MELK: variants seen among roughly 807,000 people sequenced by gnomAD.
MELK encodes pEg3 kinase.
A neutral mutation model predicts 85.0 loss-of-function variants in MELK; 81 were observed. The ratio of observed to expected loss-of-function variants is 0.95; its 90% CI spans 0.80 to 1.15. MELK has a LOEUF of 1.15. Ranked by LOEUF, MELK falls within the 50% of genes most tolerant of loss-of-function variation. The probability of loss-of-function intolerance (pLI) is 0.00; values close to 1 mark genes in which losing one functional copy is unlikely to be tolerated. For missense variants in MELK, 754 were observed against 777.5 expected (o/e 0.97, Z 0.36); for synonymous variants, 252 against 265.0 (o/e 0.95, Z 0.48).
In MELK at chr9:36,677,214, TGAATTA is replaced by T. The variant is rs1564242217; in HGVS notation, c.1837_1842del (p.Leu613_Glu614del). On this transcript the variant is annotated inframe_deletion, in exon 18 of 18. Transcript: ENST00000298048. ...ATTTTGGGAAAGTGACAATGCAATT[TGAATTA>T]GAAGTGTGCCAGCTTCAAAAACCCG... 2.5e-6 allele frequency: 4 copies of T among 1,613,980 alleles called. No individual in the cohort carries two copies. The highest frequency in any genetic ancestry group is 3.4e-6 in the Non-Finnish European group (4 of 1,179,938).
intron 8 of MELK, among the ~76,000 whole-genome samples, chr9:36,627,267 A>C (rs1828034713): frequency 6.6e-6 from 1 of 152,130 alleles, no homozygotes; most frequent in Non-Finnish European, 1.5e-5. Flanking sequence ...TCAGAGTCCT[A>C]AGATGTTATG....
intron 16 of MELK, among the ~76,000 whole-genome samples, chr9:36,674,467 C>T (rs1343655281): frequency 6.6e-6 from 1 of 152,014 alleles, no homozygotes; most frequent in East Asian, 1.9e-4. Context: ...TTTATCTTTC[C>T]GTGGTATACA....
intron 7 of MELK, among the ~76,000 whole-genome samples, chr9:36,602,544 A>G (rs376203344): frequency 3.0e-4 from 44 of 146,922 alleles, no homozygotes; most frequent in African/African-American, 1.0e-3. Flanking sequence ...ATAATTTTCA[A>G]TTAAGCTCTA....
chr9:36,599,608 G>A, intron 7 of MELK, 122 bp downstream of exon 7: 1 of 608,724 alleles, frequency 1.6e-6, no homozygotes, highest in Non-Finnish European at 2.8e-6. Context: ...TTGTTAATCA[G>A]AGTTCAGTCT....
At chr9:36,581,517 A>C in intron 1 of MELK, 127 bp from the exon 2 acceptor site, 2 of 515,540 alleles carry the variant, frequency 3.9e-6, no homozygotes. Flanking sequence ...TTTTTTTCAT[A>C]TGGCCAATAA....
chr9:36,651,683 A>T (rs1830713957), intron 11 of MELK, 63 bp from the exon 12 acceptor site: 8 of 1,560,166 alleles, frequency 5.1e-6, no homozygotes, highest in Admixed American at 1.8e-5. Flanking sequence ...AATTAATTAA[A>T]GATAGAACAT....
At chr9:36,622,112 C>T (rs1349515194) in intron 8 of MELK, among the ~76,000 whole-genome samples, 1 of 152,124 alleles carries the variant, frequency 6.6e-6, no homozygotes, top group Non-Finnish European at 1.5e-5. Flanking sequence ...CTTTGTTTCT[C>T]CTACTCTGAA....
intron 1 of MELK, among the ~76,000 whole-genome samples, chr9:36,576,541 T>C (rs925958843): frequency 6.6e-6 from 1 of 152,174 alleles, no homozygotes; most frequent in Non-Finnish European, 1.5e-5. Flanking sequence ...TTTTTTTTGT[T>C]TGTTTTTGAG....
intron 8 of MELK, among the ~76,000 whole-genome samples, chr9:36,628,266 A>G (rs1655072057): frequency 6.6e-6 from 1 of 152,158 alleles, no homozygotes; most frequent in African/African-American, 2.4e-5. Context: ...CTGGACCCCA[A>G]CCTGAAGGCT....
intron 3 of MELK, among the ~76,000 whole-genome samples, chr9:36,585,376 G>A (rs750692173): frequency 2.9e-5 from 4 of 140,208 alleles, no homozygotes; most frequent in Admixed American, 7.8e-5. Context: ...GTGCGATCTC[G>A]GCTCACTGCG....
chr9:36,636,782 T>TTCTTTCTTTCTTTCTTTCTTTCTGTCTG (rs71494635), intron 10 of MELK, among the ~76,000 whole-genome samples: 127 of 107,636 alleles, frequency 1.2e-3, no homozygotes, highest in Non-Finnish European at 1.4e-3. Context: ...CTTTCTTTCT[T>TTCTTTCTTTCTTTCTTTCTTTCTGTCTG]TCTGTCTGTC....
rs766645313 is a variant in MELK, at chr9:36,597,256, A to T, written c.440A>T (p.Lys147Met). 4.3e-6 allele frequency: 7 copies of T among 1,613,836 alleles called. No homozygotes were observed. In the South Asian group the frequency reaches 7.7e-5, roughly 18 times the overall value. Residue 147 changes from lysine (K) to methionine (M), a missense_variant, in exon 6 of 18, where the codon AAG (lysine) becomes ATG (methionine). Transcript: ENST00000298048. ...NLLFDEYHKL[K>M]LIDFGLCAKP... ...CTGTTTGATGAATATCATAAATTAA[A>T]GCTGATTGACTTTGGTCTCTGTGCA...
intron 17 of MELK, among the ~76,000 whole-genome samples, chr9:36,676,082 CAT>C (rs996383805): frequency 1.3e-5 from 2 of 152,162 alleles, no homozygotes; most frequent in African/African-American, 4.8e-5. Flanking sequence ...TATTATCTAA[CAT>C]GTGACTAAAT....
intron 9 of MELK, among the ~76,000 whole-genome samples, chr9:36,632,205 T>A (rs1465230180): frequency 2.0e-5 from 3 of 152,190 alleles, no homozygotes; most frequent in Non-Finnish European, 4.4e-5. Context: ...AAGATGCTGA[T>A]GCTGCAGGTC....
intron 5 of MELK, 149 bp downstream of exon 5, chr9:36,594,920 CT>C: frequency 1.4e-6 from 1 of 695,244 alleles, no homozygotes; most frequent in Non-Finnish European, 2.1e-6. Flanking sequence ...CTTTTTTCCT[CT>C]TACTTTTTTT....
intron 4 of MELK, among the ~76,000 whole-genome samples, chr9:36,593,176 C>CTTTTTT (rs368674596): frequency 1.5e-5 from 2 of 131,200 alleles, no homozygotes; most frequent in African/African-American, 2.8e-5. Flanking sequence ...AGAGCTTCCT[C>CTTTTTT]TTTTTTTTTT....
In MELK at chr9:36,585,302, G is replaced by GTTTTTTT. The variant is rs869244728; in HGVS notation, c.144+1607_144+1613dup. 2.1e-3 allele frequency among the ~76,000 whole-genome samples: 165 copies of GTTTTTTT among 77,812 alleles called. 3 individuals carry two copies. The highest frequency in any genetic ancestry group is 4.2e-3 in the African/African-American group (73 of 17,380). The allele number at this position is 77,812 out of a possible 152,430, so 51.0% of individuals were successfully genotyped here. ...TTTCTAATTCCTTCTACCATTCTTT[G>GTTTTTTT]TTTTTTTTTTTTTTTTTTTTTTTGA... On this transcript the variant is annotated intron_variant, in intron 3 of 17. Coordinates refer to ENST00000298048, the MANE Select transcript of MELK (RefSeq NM_014791.4).
chr9:36,646,877 G>C (rs536949094), intron 11 of MELK, among the ~76,000 whole-genome samples: 1 of 152,328 alleles, frequency 6.6e-6, no homozygotes, highest in Admixed American at 6.5e-5. Context: ...GGGGATTTAA[G>C]AATGTTTTTA....
At chr9:36,649,937 TAAA>T (rs768645516) in intron 11 of MELK, among the ~76,000 whole-genome samples, 4 of 60,790 alleles carry the variant, frequency 6.6e-5, no homozygotes, top group Non-Finnish European at 1.2e-4. Flanking sequence ...TTAATTTAAT[TAAA>T]TTAATTAATT....
Sources: gnomAD v4.1 joint callset for allele counts (sites outside exome capture counted in the v4.1 genomes callset) on GRCh38, gnomAD v4.1.1 for gene constraint, MANE v1.5 for transcripts, NCBI Gene and HGNC (gene_info 2026-07-23, HGNC 2026-07-21) for gene names.